The following BST1 variants were observed in gnomAD, a reference collection of about 807,000 sequenced individuals.
The protein encoded by BST1 is ADP-ribosyl cyclase/cyclic ADP-ribose hydrolase 2.
Under a neutral mutation model 40.6 loss-of-function variants are expected in BST1, and 49 were observed. That is an observed-to-expected ratio of 1.21 (90% CI 0.96 to 1.53). BST1 has a LOEUF of 1.53. Ranked by LOEUF, BST1 falls within the 40% of genes most tolerant of loss-of-function variation. The probability of loss-of-function intolerance (pLI) is 0.00; values close to 1 mark genes in which losing one functional copy is unlikely to be tolerated. For synonymous variants in BST1, 157 were observed against 159.3 expected (o/e 0.99, Z 0.11); for missense variants, 423 against 395.9 (o/e 1.07, Z -0.58).
Position 15,715,435 on chromosome 4 carries a change from A to G in BST1, c.611+74A>G, listed in dbSNP as rs1720457208. The G allele has an allele frequency of 6.8e-6, 10 of 1,477,946 alleles. No homozygotes were observed. The South Asian group carries it at 1.1e-4, about 16-fold the overall frequency. 91.6% of individuals were successfully genotyped at this position (1,477,946 alleles called of 1,614,324 possible). ...ATTTAATTGTTTTAAATAGAGGCTA[A>G]AGAAAATTATCCTAGTCCCCATCTC... is the stretch of plus-strand genomic sequence containing the variant. On this transcript the variant is annotated intron_variant, in intron 5 of 8. Transcript: ENST00000265016.
At chr4:15,715,634 G>T in intron 5 of BST1, 73 bp from the exon 6 acceptor site, 2 of 1,067,818 alleles carry the variant, frequency 1.9e-6, no homozygotes, top group Non-Finnish European at 2.7e-6. Flanking sequence ...TTTTAAGAAA[G>T]GTAATGTGTA....
At chr4:15,736,477 G>T (rs1311260712), downstream of BST1, among the ~76,000 whole-genome samples, 1 of 152,004 alleles carries the variant, frequency 6.6e-6, no homozygotes, top group Non-Finnish European at 1.5e-5. Context: ...GGGCGTGGTG[G>T]CACGTGCCTG....
At chr4:15,705,118 T>G in intron 1 of BST1, among the ~76,000 whole-genome samples, 1 of 152,076 alleles carries the variant, frequency 6.6e-6, no homozygotes, top group East Asian at 1.9e-4. Context: ...CACATCCTGC[T>G]GGCTGGCCTG....
intron 8 of BST1, chr4:15,731,098 T>C (rs1020338946): frequency 2.2e-6 from 1 of 447,456 alleles, no homozygotes; most frequent in Non-Finnish European, 4.2e-6. Context: ...CACAAGCTCA[T>C]TGTCTGTCCT....
the BST1 span, among the ~76,000 whole-genome samples, chr4:15,773,361 A>C: frequency 0.6 from 91,791 of 152,092 alleles, 30,056 homozygotes; most frequent in African/African-American, 0.88. Flanking sequence ...GAAAGATTAA[A>C]AGTTTAGTTT....
intron 3 of BST1, among the ~76,000 whole-genome samples, chr4:15,708,989 T>C (rs1287707467): frequency 6.6e-6 from 1 of 152,184 alleles, no homozygotes; most frequent in Non-Finnish European, 1.5e-5. Flanking sequence ...CCTCATCTTC[T>C]AGACAGTAGG....
At chr4:15,749,640 G>A in the BST1 span, among the ~76,000 whole-genome samples, 1 of 152,170 alleles carries the variant, frequency 6.6e-6, no homozygotes. Flanking sequence ...AGGTAGCACA[G>A]GTGTCATTCA....
intron 7 of BST1, 22 bp downstream of exon 7, chr4:15,719,015 G>A: frequency 1.9e-6 from 3 of 1,604,864 alleles, no homozygotes; most frequent in South Asian, 1.1e-5. Context: ...ATATATCAAT[G>A]TGCTCTTGTA....
intron 1 of BST1, among the ~76,000 whole-genome samples, chr4:15,703,573 T>TGC (rs1160159127): frequency 7.0e-6 from 1 of 142,392 alleles, no homozygotes; most frequent in South Asian, 2.4e-4. Context: ...TGTGTGTGTG[T>TGC]GCGCGCACAC....
chr4:15,743,840 G>A, the BST1 span, among the ~76,000 whole-genome samples: 1 of 152,226 alleles, frequency 6.6e-6, no homozygotes. Flanking sequence ...AGCCAGGACT[G>A]ATAGGAGGCT....
At chr4:15,740,816 C>T (rs148969093), downstream of BST1, among the ~76,000 whole-genome samples, 19 of 152,142 alleles carry the variant, frequency 1.2e-4, no homozygotes, top group African/African-American at 3.9e-4. Context: ...GCAACTGGGA[C>T]GGGGACTACT....
chr4:15,729,474 A>G (rs1048872423), intron 8 of BST1, among the ~76,000 whole-genome samples: 6 of 152,322 alleles, frequency 3.9e-5, no homozygotes, highest in African/African-American at 7.2e-5. Flanking sequence ...AATAATAATA[A>G]TAATAACTTA....
At chr4:15,720,830 AAAAC>A (rs1312118493) in intron 7 of BST1, among the ~76,000 whole-genome samples, 4 of 152,120 alleles carry the variant, frequency 2.6e-5, no homozygotes, top group Non-Finnish European at 4.4e-5. Flanking sequence ...CGCCCCCTCA[AAAAC>A]AAACAAACAA....
the BST1 span, among the ~76,000 whole-genome samples, chr4:15,751,266 C>T: frequency 6.6e-6 from 1 of 151,228 alleles, no homozygotes; most frequent in African/African-American, 2.4e-5. Flanking sequence ...GGTGGTTAGG[C>T]CTGTGAGTGA....
chr4:15,766,407 A>C, the BST1 span, among the ~76,000 whole-genome samples: 26 of 152,076 alleles, frequency 1.7e-4, no homozygotes, highest in South Asian at 5.0e-3. Context: ...GTGGCTGAGA[A>C]GCTGACTTTT....
intron 4 of BST1, among the ~76,000 whole-genome samples, chr4:15,714,685 G>A (rs374022423): frequency 4.6e-5 from 7 of 152,266 alleles, no homozygotes; most frequent in African/African-American, 1.4e-4. Flanking sequence ...CCTTAGTGCT[G>A]TTTGCCAAAT....
chr4:15,739,929 G>GAGAC (rs753944568), downstream of BST1, among the ~76,000 whole-genome samples: 1 of 151,992 alleles, frequency 6.6e-6, no homozygotes, highest in Non-Finnish European at 1.5e-5. Flanking sequence ...GACAGAGAGA[G>GAGAC]AGACAGACAG....
intron 1 of BST1, 123 bp downstream of exon 1, chr4:15,703,455 A>G: frequency 1.5e-6 from 2 of 1,370,730 alleles, no homozygotes; most frequent in Admixed American, 3.4e-5. Flanking sequence ...TTGAGGGGAG[A>G]GGTGAGTGTG....
chr4:15,762,020 C>G, the BST1 span, among the ~76,000 whole-genome samples: 1 of 151,452 alleles, frequency 6.6e-6, no homozygotes, highest in Non-Finnish European at 1.5e-5. Flanking sequence ...GAAACCCCGT[C>G]TCTACTAAAA....
Sources: allele counts gnomAD v4.1 joint callset (sites outside exome capture counted in the v4.1 genomes callset), GRCh38; gene constraint gnomAD v4.1.1; transcripts MANE v1.5; gene names NCBI Gene and HGNC (gene_info 2026-07-23, HGNC 2026-07-21).